TBC1D19: variants seen among roughly 807,000 people sequenced by gnomAD.
The protein encoded by TBC1D19 is TBC1 domain family member 19, also known as TBC1 domain family, member 19.
TBC1D19 carries 60 observed loss-of-function variants against 89.0 expected under a neutral mutation model. The ratio of observed to expected loss-of-function variants is 0.67; its 90% CI spans 0.55 to 0.84. The LOEUF (loss-of-function observed/expected upper bound fraction) is 0.84. TBC1D19 is among the 40% of genes least tolerant of loss of function. TBC1D19 has a pLI of 0.00. For synonymous variants in TBC1D19, 189 were observed against 199.7 expected, an observed-to-expected ratio of 0.95 and a Z score of 0.45; for missense variants, 500 against 610.8, an observed-to-expected ratio of 0.82 and a Z score of 1.91.
At position 26,756,082 on chromosome 4, in the gene TBC1D19, G is replaced by A. The variant is rs1135204; in HGVS notation, c.*1135G>A. On this transcript the variant is annotated 3_prime_UTR_variant, in exon 21 of 21. Transcript: ENST00000264866. ...TATTGATTGCCTAGAATTTTATTCA[G>A]TTTTACCCAAATGTATTTTATGAGT... is the stretch of plus-strand genomic sequence containing the variant. Among the ~76,000 whole-genome samples, 57,147 of 152,048 alleles carry A rather than the reference G, an allele frequency of 0.38. 11,734 individuals carry two copies. Among genetic ancestry groups the A allele is most frequent in the Non-Finnish European group, 0.47 (31,618 of 67,932 alleles).
chr4:26,838,302 G>A, the TBC1D19 span, among the ~76,000 whole-genome samples: 1 of 152,204 alleles, frequency 6.6e-6, no homozygotes, highest in African/African-American at 2.4e-5. Flanking sequence ...CACAGTCTGT[G>A]TGACCAGTAT....
the TBC1D19 span, among the ~76,000 whole-genome samples, chr4:26,794,336 A>G: frequency 6.6e-6 from 1 of 152,204 alleles, no homozygotes; most frequent in Non-Finnish European, 1.5e-5. Context: ...AAAATCAAAC[A>G]TTACTGAAAT....
At chr4:26,711,994 C>T (rs1018077522) in intron 13 of TBC1D19, among the ~76,000 whole-genome samples, 1 of 151,998 alleles carries the variant, frequency 6.6e-6, no homozygotes, top group Non-Finnish European at 1.5e-5. Context: ...CTTGTCTTCT[C>T]TAGGGCAACA....
At chr4:26,748,684 A>T (rs1718783255) in intron 19 of TBC1D19, among the ~76,000 whole-genome samples, 158 bp downstream of exon 19, 1 of 152,220 alleles carries the variant, frequency 6.6e-6, no homozygotes. Context: ...ACGAACAAAA[A>T]CTGCAGTCTT....
chr4:26,618,317 C>A (rs921015938), intron 3 of TBC1D19, among the ~76,000 whole-genome samples: 1 of 152,032 alleles, frequency 6.6e-6, no homozygotes, highest in African/African-American at 2.4e-5. Context: ...TGGTGGCTTA[C>A]CAAAGGAAGC....
At chr4:26,582,168 G>C (rs1739085428), upstream of TBC1D19, among the ~76,000 whole-genome samples, 2 of 151,650 alleles carry the variant, frequency 1.3e-5, no homozygotes, top group Non-Finnish European at 2.9e-5. Context: ...ATAGTACTGG[G>C]CATTATTTTT....
intron 13 of TBC1D19, among the ~76,000 whole-genome samples, chr4:26,698,593 C>A (rs1249133854): frequency 1.3e-5 from 2 of 152,160 alleles, no homozygotes; most frequent in African/African-American, 2.4e-5. Flanking sequence ...GGAGGCATCA[C>A]ACTACCTGAC....
intron 4 of TBC1D19, among the ~76,000 whole-genome samples, chr4:26,631,935 A>G (rs1742830135): frequency 6.6e-6 from 1 of 152,092 alleles, no homozygotes; most frequent in South Asian, 2.1e-4. Flanking sequence ...CTAATGTTAA[A>G]TTTAGAGTTG....
At chr4:26,706,351 A>C (rs1054196417) in intron 13 of TBC1D19, among the ~76,000 whole-genome samples, 28 of 151,912 alleles carry the variant, frequency 1.8e-4, no homozygotes, top group African/African-American at 6.5e-4. Flanking sequence ...AATCCTTTTT[A>C]TTTCTTTAGA....
chr4:26,657,398 C>T (rs1037074602), intron 7 of TBC1D19, among the ~76,000 whole-genome samples: 4 of 152,042 alleles, frequency 2.6e-5, no homozygotes, highest in Non-Finnish European at 4.4e-5. Context: ...ATCCATGTCC[C>T]TGCAAAGGAC....
chr4:26,856,636 T>C, the TBC1D19 span, among the ~76,000 whole-genome samples: 1 of 152,194 alleles, frequency 6.6e-6, no homozygotes, highest in Non-Finnish European at 1.5e-5. Flanking sequence ...TCATCAACAC[T>C]TATTTGTCTT....
the TBC1D19 span, among the ~76,000 whole-genome samples, chr4:26,761,280 A>T: frequency 6.6e-6 from 1 of 152,232 alleles, no homozygotes; most frequent in African/African-American, 2.4e-5. Flanking sequence ...GGCTTAATAG[A>T]TCAGCCTGGA....
the TBC1D19 span, among the ~76,000 whole-genome samples, chr4:26,848,272 C>T: frequency 1.3e-5 from 2 of 152,186 alleles, no homozygotes; most frequent in African/African-American, 4.8e-5. Context: ...GCAGAGACAT[C>T]AGTTTTCTTC....
At chr4:26,637,650 A>G (rs1279062518) in intron 5 of TBC1D19, among the ~76,000 whole-genome samples, 1 of 152,010 alleles carries the variant, frequency 6.6e-6, no homozygotes, top group Non-Finnish European at 1.5e-5. Context: ...GGGATTACAG[A>G]TGTGAGCCAC....
chr4:26,609,221 T>A (rs116231218), intron 1 of TBC1D19, among the ~76,000 whole-genome samples: 2,936 of 151,918 alleles, frequency 0.019, 97 homozygotes, highest in African/African-American at 0.068. Flanking sequence ...TAATAAAATT[T>A]AAAAAAATAG....
intron 4 of TBC1D19, among the ~76,000 whole-genome samples, chr4:26,630,778 A>G (rs1742759788): frequency 6.6e-6 from 1 of 151,696 alleles, no homozygotes; most frequent in Non-Finnish European, 1.5e-5. Context: ...TCCTTACTAC[A>G]TTTACTCACT....
intron 4 of TBC1D19, among the ~76,000 whole-genome samples, chr4:26,636,907 A>G (rs926801234): frequency 6.6e-6 from 1 of 152,152 alleles, no homozygotes; most frequent in Non-Finnish European, 1.5e-5. Flanking sequence ...TATTTTCCAT[A>G]TAATGTTTAT....
intron 7 of TBC1D19, among the ~76,000 whole-genome samples, chr4:26,640,927 C>A (rs1378908558): frequency 6.6e-6 from 1 of 152,198 alleles, no homozygotes. Context: ...CACCACAGCT[C>A]AACGAGGCCT....
intron 15 of TBC1D19, among the ~76,000 whole-genome samples, chr4:26,733,754 C>T (rs1322988470): frequency 1.3e-5 from 2 of 152,160 alleles, no homozygotes; most frequent in African/African-American, 4.8e-5. Context: ...TTATCTCTAA[C>T]TGGAGTGGTT....
Sources: allele counts gnomAD v4.1 joint callset (sites outside exome capture counted in the v4.1 genomes callset), GRCh38; gene constraint gnomAD v4.1.1; transcripts MANE v1.5; gene names NCBI Gene and HGNC (gene_info 2026-07-23, HGNC 2026-07-21).